The following ST7 variants were observed in gnomAD, a reference collection of about 807,000 sequenced individuals.
ST7 encodes the protein suppressor of tumorigenicity 7 protein.
A neutral mutation model predicts 78.7 loss-of-function variants in ST7; 28 were observed. That is an observed-to-expected ratio of 0.36 (90% CI 0.26 to 0.49). The LOEUF is 0.49. ST7 is among the 20% of genes least tolerant of loss of function. The probability of loss-of-function intolerance (pLI) is 0.99; values close to 1 mark genes in which losing one functional copy is unlikely to be tolerated. For missense variants in ST7, 418 were observed against 696.0 expected (o/e 0.60, Z 4.49); for synonymous variants, 247 against 249.6 (o/e 0.99, Z 0.10).
intron 9 of ST7, among the ~76,000 whole-genome samples, chr7:117,156,371 AC>A (rs1368881429): frequency 1.3e-5 from 2 of 152,212 alleles, no homozygotes; most frequent in African/African-American, 4.8e-5. Context: ...TGGTGGTCAT[AC>A]CATTTACTGA....
At chr7:117,001,952 G>C (rs540240030) in intron 1 of ST7, among the ~76,000 whole-genome samples, 1 of 152,292 alleles carries the variant, frequency 6.6e-6, no homozygotes. Flanking sequence ...TTGGCCAGGC[G>C]TGGTGGCTCA....
intron 1 of ST7, chr7:117,090,943 A>G (rs997027826): frequency 1.8e-5 from 3 of 164,140 alleles, no homozygotes; most frequent in Admixed American, 6.5e-5. Context: ...TGAACACTGC[A>G]TTGTTCCCAC....
At chr7:117,054,993 ACTT>A (rs1435436012) in intron 1 of ST7, among the ~76,000 whole-genome samples, 1 of 152,196 alleles carries the variant, frequency 6.6e-6, no homozygotes, top group Non-Finnish European at 1.5e-5. Context: ...TTTTTCCTCC[ACTT>A]CTTATTAAAT....
At chr7:117,091,628 C>A (rs1326893911) in intron 1 of ST7, among the ~76,000 whole-genome samples, 8 of 152,056 alleles carry the variant, frequency 5.3e-5, no homozygotes, top group African/African-American at 1.9e-4. Context: ...ATCTTAGCAC[C>A]CTTTCTCGGC....
At chr7:117,173,928 G>A (rs1193463412) in intron 10 of ST7, among the ~76,000 whole-genome samples, 1 of 151,916 alleles carries the variant, frequency 6.6e-6, no homozygotes, top group East Asian at 1.9e-4. Flanking sequence ...CCAGGGATGG[G>A]GGTGTCGAAG....
chr7:117,169,357 A>G (rs1807811423), intron 9 of ST7, among the ~76,000 whole-genome samples: 1 of 152,016 alleles, frequency 6.6e-6, no homozygotes, highest in African/African-American at 2.4e-5. Context: ...GCTGGTGTCA[A>G]ACTCCTGACC....
intron 1 of ST7, among the ~76,000 whole-genome samples, chr7:116,969,251 T>A (rs1037557983): frequency 6.6e-6 from 1 of 152,202 alleles, no homozygotes; most frequent in African/African-American, 2.4e-5. Context: ...AACTTTACAA[T>A]TTTGAGGAGT....
intron 1 of ST7, among the ~76,000 whole-genome samples, chr7:117,059,807 CA>C (rs35792944): frequency 3.7e-3 from 118 of 31,994 alleles, no homozygotes; most frequent in Middle Eastern, 0.045. Context: ...TTCATCTCTG[CA>C]AAAAAAAAAA....
intron 1 of ST7, among the ~76,000 whole-genome samples, chr7:117,029,241 A>C (rs4641000): frequency 0.98 from 149,636 of 152,310 alleles, 73,568 homozygotes; most frequent in East Asian, 1. Flanking sequence ...ACTTGCTTCA[A>C]ATTCTTGCCA....
chr7:116,991,629 T>C (rs1022362714), intron 1 of ST7, among the ~76,000 whole-genome samples: 1 of 152,122 alleles, frequency 6.6e-6, no homozygotes, highest in African/African-American at 2.4e-5. Context: ...CAAGATGAGA[T>C]TTGGGTGGGG....
At chr7:117,000,990 GCATTGT>G (rs1481748719) in intron 1 of ST7, among the ~76,000 whole-genome samples, 1 of 152,162 alleles carries the variant, frequency 6.6e-6, no homozygotes, top group East Asian at 1.9e-4. Flanking sequence ...GTAGCCTATG[GCATTGT>G]GAATCTAAGA....
At chr7:117,148,506 A>C (rs1365130654) in intron 9 of ST7, among the ~76,000 whole-genome samples, 1 of 152,172 alleles carries the variant, frequency 6.6e-6, no homozygotes, top group Non-Finnish European at 1.5e-5. Flanking sequence ...ATAGAGAGTA[A>C]CAGAATAATT....
chr7:117,188,039 C>G (rs558990467), intron 10 of ST7, among the ~76,000 whole-genome samples: 1 of 152,058 alleles, frequency 6.6e-6, no homozygotes, highest in African/African-American at 2.4e-5. Flanking sequence ...TAAGAGATTA[C>G]GGGTACAAAG....
intron 10 of ST7, among the ~76,000 whole-genome samples, chr7:117,179,319 G>A (rs953197602): frequency 2.6e-5 from 4 of 152,210 alleles, no homozygotes; most frequent in African/African-American, 7.2e-5. Flanking sequence ...AACACTGAGC[G>A]CCAACTATAT....
At chr7:116,996,650 T>C (rs1304065699) in intron 1 of ST7, among the ~76,000 whole-genome samples, 1 of 152,204 alleles carries the variant, frequency 6.6e-6, no homozygotes, top group Admixed American at 6.5e-5. Context: ...TTCTTCTTTA[T>C]TAATATGCAG....
chr7:117,193,848 AC>A (rs1810023160), intron 12 of ST7, among the ~76,000 whole-genome samples: 1 of 152,190 alleles, frequency 6.6e-6, no homozygotes, highest in African/African-American at 2.4e-5. Context: ...AAATATAATA[AC>A]TGAGAACTGA....
intron 1 of ST7, among the ~76,000 whole-genome samples, chr7:117,050,462 A>C (rs1266330477): frequency 6.6e-6 from 1 of 152,122 alleles, no homozygotes; most frequent in Non-Finnish European, 1.5e-5. Context: ...GCATCTTTAC[A>C]ATTGTTTACA....
intron 3 of ST7, chr7:117,128,410 A>T (rs1265753164): frequency 6.6e-6 from 1 of 151,864 alleles, no homozygotes; most frequent in Non-Finnish European, 1.5e-5. Context: ...AGTGACAGCC[A>T]TCAAATCTCA....
At chr7:116,967,116 CTCTT>C (rs888613583) in intron 1 of ST7, among the ~76,000 whole-genome samples, 1 of 121,354 alleles carries the variant, frequency 8.2e-6, no homozygotes, top group Non-Finnish European at 1.8e-5. Context: ...GTTTCTATCA[CTCTT>C]TTTTTTTTTT....
Sources: gnomAD v4.1 joint callset for allele counts (sites outside exome capture counted in the v4.1 genomes callset) on GRCh38, gnomAD v4.1.1 for gene constraint, MANE v1.5 for transcripts, NCBI Gene and HGNC (gene_info 2026-07-23, HGNC 2026-07-21) for gene names.